The following COP1 variants were observed in gnomAD, a reference collection of about 807,000 sequenced individuals.
The protein encoded by COP1 is COP1 E3 ubiquitin ligase.
A neutral mutation model predicts 101.3 loss-of-function variants in COP1; 24 were observed. The observed-to-expected ratio is 0.24, with a 90% CI of 0.17 to 0.33. The LOEUF (loss-of-function observed/expected upper bound fraction) is 0.33. Among genes scored for constraint, COP1 ranks in the 10% least tolerant of loss-of-function variants. The pLI, the probability that COP1 is intolerant of heterozygous loss-of-function variation, is 1.00. For missense variants in COP1, 663 were observed against 906.2 expected (o/e 0.73, Z 3.45); for synonymous variants, 347 against 341.9 (o/e 1.01, Z -0.17).
At chr1:176,192,774 T>C (rs1699250620) in intron 1 of COP1, among the ~76,000 whole-genome samples, 1 of 152,150 alleles carries the variant, frequency 6.6e-6, no homozygotes, top group African/African-American at 2.4e-5. Flanking sequence ...GTGTGATACA[T>C]TTCATTAGAT....
At chr1:176,029,340 G>A (rs1018716985) in intron 14 of COP1, among the ~76,000 whole-genome samples, 1 of 152,142 alleles carries the variant, frequency 6.6e-6, no homozygotes, top group Admixed American at 6.5e-5. Flanking sequence ...ATTAGGGAGA[G>A]CAAAGCTGAC....
intron 8 of COP1, among the ~76,000 whole-genome samples, chr1:176,125,960 ATTTAAT>A (rs1424194609): frequency 6.6e-6 from 1 of 152,102 alleles, no homozygotes; most frequent in Non-Finnish European, 1.5e-5. Context: ...ATTCCTAAGT[ATTTAAT>A]TTTATTTGTG....
At chr1:176,058,095 C>A in intron 11 of COP1, among the ~76,000 whole-genome samples, 1 of 147,474 alleles carries the variant, frequency 6.8e-6, no homozygotes, top group South Asian at 2.2e-4. Context: ...GGGAGGTCAG[C>A]CCCCGCCCGG....
intron 1 of COP1, among the ~76,000 whole-genome samples, chr1:176,197,392 G>C (rs1315136447): frequency 1.3e-5 from 2 of 152,074 alleles, no homozygotes; most frequent in Admixed American, 6.5e-5. Flanking sequence ...CTCCAGCTTG[G>C]GCGAGACAGC....
chr1:175,980,119 G>A (rs1655460126), intron 18 of COP1, among the ~76,000 whole-genome samples: 1 of 152,218 alleles, frequency 6.6e-6, no homozygotes, highest in East Asian at 1.9e-4. Context: ...CTTTAGAGAT[G>A]AGGACACTGA....
At chr1:176,002,229 T>A (rs1235475666) in intron 15 of COP1, among the ~76,000 whole-genome samples, 1 of 152,160 alleles carries the variant, frequency 6.6e-6, no homozygotes, top group Non-Finnish European at 1.5e-5. Context: ...GCATGCTTGA[T>A]GGTGTCTCCA....
chr1:175,966,572 G>A (rs889268120), intron 18 of COP1, among the ~76,000 whole-genome samples: 2 of 152,126 alleles, frequency 1.3e-5, no homozygotes, highest in African/African-American at 4.8e-5. Context: ...ATGCTGATCT[G>A]TATCATATTG....
intron 9 of COP1, among the ~76,000 whole-genome samples, chr1:176,093,819 CAG>C (rs1681812856): frequency 6.6e-6 from 1 of 151,488 alleles, no homozygotes; most frequent in Admixed American, 6.6e-5. Context: ...GCCTAGGTGA[CAG>C]AGCGAGAGAC....
Position 175,987,090 on chromosome 1 carries a change from G to A in COP1, c.1986C>T (p.Asn662=), listed in dbSNP as rs779920986. 5 of 1,488,584 alleles carry A rather than the reference G, an allele frequency of 3.4e-6. No homozygotes were observed. The highest frequency in any genetic ancestry group is 4.6e-6 in the Non-Finnish European group (5 of 1,095,700). 92.2% of individuals were successfully genotyped at this position (1,488,584 alleles called of 1,614,324 possible). Residue 662 remains asparagine, a synonymous_variant, in exon 18 of 20, where the codon AAC becomes AAT. Transcript: ENST00000367669. ...GDYIACGSEN[N]SLYLYYKGLS... ...GTCCTTTATAGTACAGGTAGAGAGA[G>A]TTATTTTCACTTCCTGAAAACAAAT...
chr1:176,194,833 T>C (rs1339948129), intron 1 of COP1, among the ~76,000 whole-genome samples: 2 of 151,674 alleles, frequency 1.3e-5, no homozygotes, highest in East Asian at 1.9e-4. Context: ...TCCAGCACTA[T>C]GGGAGCCCAA....
chr1:175,977,166 A>C (rs1190684450), intron 18 of COP1, among the ~76,000 whole-genome samples: 3 of 152,336 alleles, frequency 2.0e-5, no homozygotes, highest in Admixed American at 2.0e-4. Flanking sequence ...CTTTTATCAG[A>C]GAGCAAAAGA....
intron 15 of COP1, among the ~76,000 whole-genome samples, chr1:175,999,162 C>T (rs1415880119): frequency 1.3e-5 from 2 of 152,028 alleles, no homozygotes; most frequent in African/African-American, 4.8e-5. Context: ...TTATTATTGA[C>T]TATAGTCACC....
intron 15 of COP1, among the ~76,000 whole-genome samples, chr1:176,022,916 T>C: frequency 6.6e-6 from 1 of 152,244 alleles, no homozygotes; most frequent in Non-Finnish European, 1.5e-5. Context: ...TTATTTAAGA[T>C]TTGAAAGGTG....
At chr1:176,081,846 AAAAC>A (rs1275087836) in intron 10 of COP1, among the ~76,000 whole-genome samples, 7 of 152,194 alleles carry the variant, frequency 4.6e-5, no homozygotes, top group East Asian at 1.9e-4. Context: ...TTAATTCTAA[AAAAC>A]AAACAAAAAA....
At chr1:176,198,409 A>G (rs1699923842) in intron 1 of COP1, among the ~76,000 whole-genome samples, 1 of 152,192 alleles carries the variant, frequency 6.6e-6, no homozygotes, top group Non-Finnish European at 1.5e-5. Context: ...AAATGATGTT[A>G]TAATATTAAT....
chr1:175,956,763 C>G (rs1365496862), intron 18 of COP1, among the ~76,000 whole-genome samples: 1 of 152,100 alleles, frequency 6.6e-6, no homozygotes, highest in East Asian at 1.9e-4. Flanking sequence ...TTAGATTATA[C>G]TCCTTCTACT....
chr1:176,000,241 T>TA (rs1661258677), intron 15 of COP1, among the ~76,000 whole-genome samples: 1 of 152,110 alleles, frequency 6.6e-6, no homozygotes, highest in South Asian at 2.1e-4. Context: ...TTTGAAGTCT[T>TA]AAAGTCTTTA....
intron 11 of COP1, among the ~76,000 whole-genome samples, chr1:176,062,958 C>T (rs1270088836): frequency 6.7e-6 from 1 of 148,846 alleles, no homozygotes; most frequent in Non-Finnish European, 1.5e-5. Flanking sequence ...TGTATAGTGA[C>T]AGAAAGCAGA....
rs1158274380 is a variant in COP1, at chr1:175,989,422, T to C, written c.1787A>G (p.Lys596Arg). Residue 596 changes from lysine (K) to arginine (R), a missense_variant, in exon 16 of 20, where the codon AAA becomes AGA. Coordinates refer to ENST00000367669, the MANE Select transcript of COP1 (RefSeq NM_022457.7). ...RNTKQPIMVF[K>R]GHRKAVSYAK... ...ATAAGAGACTGCTTTACGGTGTCCT[T>C]TGAATACCATGATTGGCTGTTTAGT... 2.5e-6 allele frequency: 4 copies of C among 1,610,930 alleles called. No individual in the cohort carries two copies. The East Asian group carries it at 8.9e-5, about 36-fold the overall frequency.
Sources: gnomAD v4.1 joint callset for allele counts (sites outside exome capture counted in the v4.1 genomes callset) on GRCh38, gnomAD v4.1.1 for gene constraint, MANE v1.5 for transcripts, NCBI Gene and HGNC (gene_info 2026-07-23, HGNC 2026-07-21) for gene names.